Variants in OSMR observed in about 807,000 individuals in gnomAD.
OSMR encodes the protein oncostatin M receptor.
OSMR carries 81 observed loss-of-function variants against 99.9 expected under a neutral mutation model. The observed-to-expected ratio is 0.81, with a 90% CI of 0.68 to 0.97. The LOEUF is 0.97. Among genes scored for constraint, OSMR ranks in the 50% least tolerant of loss-of-function variants. The probability of loss-of-function intolerance (pLI) is 0.00; values close to 1 mark genes in which losing one functional copy is unlikely to be tolerated. For missense variants in OSMR, 1,099 were observed against 1,153.4 expected, an observed-to-expected ratio of 0.95 and a Z score of 0.68; for synonymous variants, 406 against 410.4, an observed-to-expected ratio of 0.99 and a Z score of 0.13.
rs758589751 is a variant in OSMR, at chr5:38,904,351, AG to A, written c.1135-1del. ...CTTTTCTTCTCTTTTTTGATCAAGC[AG>A]TACAATGTTTCCATCAAGGTGAACG... On this transcript the variant is annotated splice_acceptor_variant, in intron 8 of 17. Transcript: ENST00000274276. LOFTEE classifies it high-confidence loss of function. 14 of 1,613,696 alleles carry A rather than the reference AG, an allele frequency of 8.7e-6. No homozygotes were observed. In the South Asian group the frequency reaches 1.5e-4, roughly 18 times the overall value.
At chr5:38,916,042 T>C (rs1459396872) in intron 9 of OSMR, among the ~76,000 whole-genome samples, 1 of 152,234 alleles carries the variant, frequency 6.6e-6, no homozygotes, top group African/African-American at 2.4e-5. Flanking sequence ...TGTACTATTC[T>C]TGTGAAGTTC....
At chr5:38,861,530 AC>A (rs1440543599) in intron 1 of OSMR, among the ~76,000 whole-genome samples, 1 of 152,196 alleles carries the variant, frequency 6.6e-6, no homozygotes, top group African/African-American at 2.4e-5. Context: ...TTCTACACAG[AC>A]ACCGCAACCA....
chr5:38,943,785 C>G (rs1264257697), intron 1 of OSMR, among the ~76,000 whole-genome samples: 2 of 152,102 alleles, frequency 1.3e-5, no homozygotes, highest in Non-Finnish European at 2.9e-5. Flanking sequence ...TGCACTCCAG[C>G]CTGGGTGACA....
In OSMR at chr5:38,859,123, G is replaced by A. The variant is rs543536004; in HGVS notation, c.-13-9909G>A. Among the ~76,000 whole-genome samples, 66 of 152,196 alleles carry A rather than the reference G, an allele frequency of 4.3e-4. 1 individual carries two copies. Among genetic ancestry groups the A allele is most frequent in the African/African-American group, 1.3e-3 (54 of 41,542 alleles). ...TAGTTTGGTATAGTTCTGTTTATCT[G>A]TGTTTGTTTTTGTTTCCTGTGCTTT... On this transcript the variant is annotated intron_variant, in intron 1 of 17. Transcript: ENST00000274276.
intron 7 of OSMR, among the ~76,000 whole-genome samples, chr5:38,891,337 G>A (rs1294933952): frequency 6.6e-6 from 1 of 152,232 alleles, no homozygotes; most frequent in Admixed American, 6.5e-5. Flanking sequence ...AGATGGCTTT[G>A]TTTCTAGTTC....
intron 1 of OSMR, among the ~76,000 whole-genome samples, chr5:38,851,693 C>G (rs1196132967): frequency 6.6e-6 from 1 of 152,182 alleles, no homozygotes; most frequent in African/African-American, 2.4e-5. Flanking sequence ...TAGGTATATA[C>G]TGTTTTGAAA....
chr5:38,889,553 A>G (rs1190266194), intron 7 of OSMR, among the ~76,000 whole-genome samples: 1 of 151,994 alleles, frequency 6.6e-6, no homozygotes, highest in East Asian at 1.9e-4. Context: ...TCTGATTTAT[A>G]TTGTTCTCTA....
chr5:38,882,058 A>G (rs1324058090), intron 4 of OSMR, among the ~76,000 whole-genome samples: 1 of 152,256 alleles, frequency 6.6e-6, no homozygotes, highest in Non-Finnish European at 1.5e-5. Context: ...TGAACAAAGC[A>G]AGACATAAAT....
intron 9 of OSMR, among the ~76,000 whole-genome samples, chr5:38,907,193 C>G (rs993761935): frequency 2.0e-5 from 3 of 152,206 alleles, no homozygotes; most frequent in Non-Finnish European, 4.4e-5. Context: ...GGTCAGGAAG[C>G]TGCATACCCT....
At chr5:38,907,908 C>T (rs1231144033) in intron 9 of OSMR, among the ~76,000 whole-genome samples, 1 of 152,180 alleles carries the variant, frequency 6.6e-6, no homozygotes, top group Non-Finnish European at 1.5e-5. Context: ...CTGCTGTTGG[C>T]ATAAGCACAA....
chr5:38,921,428 C>T (rs974392621), intron 11 of OSMR, 187 bp from the exon 12 acceptor site: 3 of 938,792 alleles, frequency 3.2e-6, no homozygotes, highest in South Asian at 4.9e-5. Flanking sequence ...TGTGAATATT[C>T]GCTGGGAAGT....
chr5:38,881,747 C>G lies in OSMR; in HGVS notation c.401C>G (p.Ser134Cys). The change falls in exon 4 of 18, where the codon TCC (serine) becomes TGC (cysteine). Residue 134 changes from serine to cysteine, a missense_variant. Transcript: ENST00000274276. ...CCAAATTTCTGGAGCAACTGGAGTT[C>G]CTGGGAGGAAGTCAGTGGTAAGAAG... ...PEPNFWSNWS[S>C]WEEVSVQDST... The G allele has an allele frequency of 1.9e-6, 3 of 1,614,032 alleles. No individual in the cohort carries two copies. Among genetic ancestry groups the G allele is most frequent in the Non-Finnish European group, 2.5e-6 (3 of 1,179,930 alleles).
intron 1 of OSMR, among the ~76,000 whole-genome samples, chr5:38,861,771 A>G (rs563043244): frequency 1.2e-3 from 174 of 147,232 alleles, no homozygotes; most frequent in African/African-American, 4.1e-3. Flanking sequence ...TCCCTCCTGG[A>G]CGGGGCGGCT....
rs1411892171 is a variant in OSMR at position 38,846,205 on chromosome 5, C to A, written c.-196C>A. On this transcript the variant is annotated 5_prime_UTR_variant, in exon 1 of 18. Transcript: ENST00000274276. Reference sequence around the variant, plus strand: ...CGCCCTCGGTGGCTTTTCCGACGGGCGAGCCCCGTGCTGTGCGGGAAAGAA... The same window carrying A: ...CGCCCTCGGTGGCTTTTCCGACGGGAGAGCCCCGTGCTGTGCGGGAAAGAA... The A allele has an allele frequency of 6.6e-6, 1 of 152,272 alleles. No individual in the cohort carries two copies. The highest frequency in any genetic ancestry group is 1.5e-5 in the Non-Finnish European group (1 of 68,118). The allele number at this position is 152,272 out of a possible 1,614,324, so 9.4% of individuals were successfully genotyped here.
intron 1 of OSMR, among the ~76,000 whole-genome samples, chr5:38,848,970 G>C (rs761300718): frequency 2.6e-5 from 4 of 151,920 alleles, no homozygotes; most frequent in African/African-American, 7.3e-5. Flanking sequence ...TAAAGATTGG[G>C]TCTCTCCATG....
intron 7 of OSMR, among the ~76,000 whole-genome samples, chr5:38,897,085 C>T (rs992450804): frequency 3.3e-5 from 5 of 152,072 alleles, no homozygotes; most frequent in Non-Finnish European, 7.4e-5. Flanking sequence ...TATCAATATT[C>T]ATCAGTGATA....
chr5:38,929,069 CT>C (rs547377103), intron 15 of OSMR, among the ~76,000 whole-genome samples: 4 of 152,036 alleles, frequency 2.6e-5, no homozygotes, highest in African/African-American at 9.6e-5. Context: ...TGAGATTTTA[CT>C]TTTTTTAAAA....
At chr5:38,881,815 TGAG>T (rs756478452) in intron 4 of OSMR, 51 bp downstream of exon 4, 4 of 1,467,966 alleles carry the variant, frequency 2.7e-6, no homozygotes, top group South Asian at 1.1e-5. Context: ...TATTTTTTAA[TGAG>T]GAGCAATAGT....
chr5:38,921,693 T>C lies in OSMR; in HGVS notation c.1664T>C (p.Ile555Thr). Residue 555 changes from isoleucine to threonine, a missense_variant, in exon 12 of 18, where the codon ATA (isoleucine) becomes ACA (threonine). Transcript: ENST00000274276. ...TGGAAACCCCAACCTGGAGATGTTA[T>C]AGGCTATGTTGTGGACTGGTGTGAC... Reference protein sequence around the residue: ...LSWKPQPGDVIGYVVDWCDHT... With the variant: ...LSWKPQPGDVTGYVVDWCDHT... 3 of 1,614,186 alleles carry C rather than the reference T, an allele frequency of 1.9e-6. No homozygotes were observed. The highest frequency in any genetic ancestry group is 2.5e-6 in the Non-Finnish European group (3 of 1,180,008).
Sources: allele counts gnomAD v4.1 joint callset (sites outside exome capture counted in the v4.1 genomes callset), GRCh38; gene constraint gnomAD v4.1.1; transcripts MANE v1.5; gene names NCBI Gene and HGNC (gene_info 2026-07-23, HGNC 2026-07-21).